Variants in HSF4 observed in about 807,000 individuals in gnomAD.
The protein encoded by HSF4 is heat shock factor protein 4.
A neutral mutation model predicts 52.0 loss-of-function variants in HSF4; 41 were observed. That is an observed-to-expected ratio of 0.79 (90% CI 0.61 to 1.02). HSF4 has a LOEUF of 1.02. HSF4 is among the 50% of genes least tolerant of loss of function. The pLI is 0.00. For synonymous variants in HSF4, 285 were observed against 273.0 expected (o/e 1.04, Z -0.43); for missense variants, 610 against 651.1 (o/e 0.94, Z 0.69).
Position 67,167,239 on chromosome 16 carries a change from C to T in HSF4, c.729+17C>T, listed in dbSNP as rs530275414. The T allele has an allele frequency of 1.2e-6, 2 of 1,614,072 alleles. No individual in the cohort carries two copies. The highest frequency in any genetic ancestry group is 1.7e-6 in the Non-Finnish European group (2 of 1,179,998). ...ATCCAGTCGGTAGGTTTGTCTTCTT[C>T]CCCCTTCCCAAGGGCATGGCTGGGC... On this transcript the variant is annotated intron_variant, in intron 7 of 12. Coordinates refer to ENST00000521374, the MANE Select transcript of HSF4 (RefSeq NM_001374675.1).
At position 67,165,396 on chromosome 16, in the gene HSF4, G is replaced by A. The variant is rs2031179743; in HGVS notation, c.124-126G>A. The stretch of plus-strand genomic sequence containing the variant: ...GGCCTCGACCCATATCCCCGTAAGC[G>A]GCAGGCCTGGACCCAAGAGTGAGCA... On this transcript the variant is annotated intron_variant, in intron 1 of 12. Coordinates refer to ENST00000521374, the MANE Select transcript of HSF4 (RefSeq NM_001374675.1). The surrounding 1 kb of genome is among the most constrained non-coding windows in gnomAD (Gnocchi z 6.9). 2 of 884,568 alleles carry A rather than the reference G, an allele frequency of 2.3e-6. No individual in the cohort carries two copies. Among genetic ancestry groups the A allele is most frequent in the Admixed American group, 2.0e-5 (1 of 49,668 alleles). The allele number at this position is 884,568 out of a possible 1,614,324, so 54.8% of individuals were successfully genotyped here.
chr16:67,165,691 ACCCACGCC>A lies in HSF4; in HGVS notation c.233-17_233-10del, dbSNP rs1388606485. 6.2e-7 allele frequency: 1 copy of A among 1,611,128 alleles called. No homozygotes were observed. The highest frequency in any genetic ancestry group is 8.5e-7 in the Non-Finnish European group (1 of 1,179,600). ...GGGACTCGGTGCCGGGGATGGGGCG[ACCCACGCC>A]CCCACGCCCCACTCCCCAGACGGTT... On this transcript the variant is annotated intron_variant, in intron 2 of 12. Coordinates refer to ENST00000521374, the MANE Select transcript of HSF4 (RefSeq NM_001374675.1). This position sits in a 1 kb window ranked among gnomAD's most constrained non-coding sequence, Gnocchi z 6.9.
rs1284481170 is a variant in HSF4 at position 67,168,694 on chromosome 16, TG to T, written c.1083-132del. 4 of 701,040 alleles carry T rather than the reference TG, an allele frequency of 5.7e-6. No individual in the cohort carries two copies. The African/African-American group carries it at 7.0e-5, about 12-fold the overall frequency. 43.4% of individuals were successfully genotyped at this position (701,040 alleles called of 1,614,324 possible). On this transcript the variant is annotated intron_variant, in intron 9 of 12. Transcript: ENST00000521374. ...CCATTTATGGCAGGAGTGGGGAGGT[TG>T]GGGGTGGAGAGAGGATGGGGATCCT... is the stretch of plus-strand genomic sequence containing the variant.
chr16:67,169,851 G>A lies in HSF4; in HGVS notation c.*66G>A. On this transcript the variant is annotated 3_prime_UTR_variant, in exon 13 of 13. Transcript: ENST00000521374. This position sits in a 1 kb window ranked among gnomAD's most constrained non-coding sequence, Gnocchi z 4.3. Reference sequence around the variant, plus strand: ...TGCACATCCTTCTTGGCTTCCTGGCGCCCCCTATCGGGGGTGAGCGAAGCC... The same window carrying A: ...TGCACATCCTTCTTGGCTTCCTGGCACCCCCTATCGGGGGTGAGCGAAGCC... 6.3e-7 allele frequency: 1 copy of A among 1,586,144 alleles called. No homozygotes were observed. Among genetic ancestry groups the A allele is most frequent in the Non-Finnish European group, 8.6e-7 (1 of 1,157,142 alleles).
rs1480134119 is a variant in HSF4 at position 67,165,320 on chromosome 16, A to G, written c.124-202A>G. The G allele has an allele frequency of 3.3e-6, 2 of 613,230 alleles. No individual in the cohort carries two copies. Among genetic ancestry groups the G allele is most frequent in the Non-Finnish European group, 5.8e-6 (2 of 346,144 alleles). The allele number at this position is 613,230 out of a possible 1,614,324, so 38.0% of individuals were successfully genotyped here. ...ATGGAGTCAGGGTCTGGCTGGGGGTAGGGACTCACTGTGGTCGCTCCAGGC... is the reference window on the plus strand; with the variant it reads ...ATGGAGTCAGGGTCTGGCTGGGGGTGGGGACTCACTGTGGTCGCTCCAGGC... On this transcript the variant is annotated intron_variant, in intron 1 of 12. Transcript: ENST00000521374. The surrounding 1 kb of genome is among the most constrained non-coding windows in gnomAD (Gnocchi z 6.9).
At chr16:67,168,481 AAAG>A (rs1328562145) in intron 9 of HSF4, among the ~76,000 whole-genome samples, 1 of 152,080 alleles carries the variant, frequency 6.6e-6, no homozygotes, top group East Asian at 1.9e-4. Context: ...AAAAAAAAGA[AAAG>A]AAAGAAAGAA....
chr16:67,164,907 C>T lies in HSF4; in HGVS notation c.96C>T (p.Gly32=). The change falls in exon 1 of 13, where the codon GGC becomes GGT. Residue 32 remains glycine, a synonymous_variant. Transcript: ENST00000521374. ...TATGGGCGCTGGTGGGGGACCCAGG[C>T]ACAGACCACCTGATCCGCTGGAGCC... ...GKLWALVGDP[G]TDHLIRWSPS... The T allele has an allele frequency of 6.2e-7, 1 of 1,608,146 alleles. No individual in the cohort carries two copies. Among genetic ancestry groups the T allele is most frequent in the East Asian group, 2.2e-5 (1 of 44,752 alleles).
At chr16:67,167,314 G>A (rs776833560) in intron 7 of HSF4, 92 bp downstream of exon 7, 1 of 1,609,080 alleles carries the variant, frequency 6.2e-7, no homozygotes, top group African/African-American at 1.3e-5. Context: ...AAGAGAAGAT[G>A]GAAGCCAGCC....
In HSF4 at chr16:67,169,742, G is replaced by A. The variant is rs770815350; in HGVS notation, c.1436G>A (p.Arg479Gln). ...ALTIYSTPES[R>Q]TASYLGPEAS... ...ACCATTTATAGCACTCCTGAGAGCC[G>A]GACTGCCTCCTACTTGGGCCCGGAA... Residue 479 changes from arginine (R) to glutamine (Q), a missense_variant, in exon 13 of 13, where the codon CGG becomes CAG. Coordinates refer to ENST00000521374, the MANE Select transcript of HSF4 (RefSeq NM_001374675.1). The surrounding 1 kb of genome is among the most constrained non-coding windows in gnomAD (Gnocchi z 4.3). 3.1e-6 allele frequency: 5 copies of A among 1,612,872 alleles called. No homozygotes were observed. The highest frequency in any genetic ancestry group is 2.2e-5 in the South Asian group (2 of 91,084).
chr16:67,165,957 GCGCGGCGACGACGGC>G lies in HSF4; in HGVS notation c.376_390del (p.Gly126_Arg130del), dbSNP rs1000812796. On this transcript the variant is annotated inframe_deletion, in exon 4 of 13. Transcript: ENST00000521374. This position sits in a 1 kb window ranked among gnomAD's most constrained non-coding sequence, Gnocchi z 6.9. ...CCTCCCGCCTGCAGGTGCCCGCGCT[GCGCGGCGACGACGGC>G]CGCTGGCGCCCGGAGGACCTGGGTC... 1.3e-6 allele frequency: 2 copies of G among 1,568,924 alleles called. No homozygotes were observed. The highest frequency in any genetic ancestry group is 1.7e-6 in the Non-Finnish European group (2 of 1,166,238).
At chr16:67,167,325 T>C (rs1417972966) in intron 7 of HSF4, 103 bp downstream of exon 7, 1 of 1,609,074 alleles carries the variant, frequency 6.2e-7, no homozygotes, top group African/African-American at 1.3e-5. Flanking sequence ...GAAGCCAGCC[T>C]TCCCCCCAAC....
Position 67,169,935 on chromosome 16 carries a change from T to C in HSF4, c.*150T>C, listed in dbSNP as rs911088894. On this transcript the variant is annotated 3_prime_UTR_variant, in exon 13 of 13. Transcript: ENST00000521374. The surrounding 1 kb of genome is among the most constrained non-coding windows in gnomAD (Gnocchi z 4.3). ...ACTATCCCTGCACATAAACTCCGTT[T>C]TTTTTTTTTCTGTTTCTGGTCTCTT... 2 of 765,222 alleles carry C rather than the reference T, an allele frequency of 2.6e-6. No homozygotes were observed. The allele number at this position is 765,222 out of a possible 1,614,324, so 47.4% of individuals were successfully genotyped here. A position where few individuals can be genotyped will look rare whatever the true frequency, so the allele number is the denominator to read the frequency against.
In HSF4 at chr16:67,166,580, C is replaced by T. The variant is rs2031317026; in HGVS notation, c.584C>T (p.Pro195Leu). The change falls in exon 6 of 13, where the codon CCA becomes CTA. Residue 195 changes from proline (P) to leucine (L), a missense_variant. Physicochemically the swap from Pro to Leu is moderately conservative, Grantham distance 98. Coordinates refer to ENST00000521374, the MANE Select transcript of HSF4 (RefSeq NM_001374675.1). The part of the protein sequence containing the change: ...IGKLIQCLFG[P>L]LQAGPSNAGG... ...CAGCTGATCCAGTGTCTCTTTGGGC[C>T]ACTTCAGGCGGGGCCGAGCAATGCA... The T allele has an allele frequency of 2.5e-6, 4 of 1,613,944 alleles. No homozygotes were observed. The highest frequency in any genetic ancestry group is 1.3e-5 in the African/African-American group (1 of 74,996).
At chr16:67,167,649 A>C in intron 8 of HSF4, 50 bp downstream of exon 8, 1 of 1,612,220 alleles carries the variant, frequency 6.2e-7, no homozygotes, top group South Asian at 1.1e-5. Context: ...AGGGCCTGGC[A>C]GCCCAGATGG....
chr16:67,167,324 CT>C (rs781044390), intron 7 of HSF4, 102 bp downstream of exon 7: 3 of 1,609,118 alleles, frequency 1.9e-6, no homozygotes, highest in African/African-American at 1.3e-5. Flanking sequence ...GGAAGCCAGC[CT>C]TCCCCCCAAC....
chr16:67,166,401 C>T lies in HSF4; in HGVS notation c.561+6C>T. On this transcript the variant is annotated splice_donor_region_variant and intron_variant, in intron 5 of 12. Coordinates refer to ENST00000521374, the MANE Select transcript of HSF4 (RefSeq NM_001374675.1). ...AGCACCGGGTCATTGGCAAGGTGTT[C>T]CTCTCCCCAAGCCTCGCTTCTCCCT... 6.2e-7 allele frequency: 1 copy of T among 1,607,988 alleles called. No homozygotes were observed. Among genetic ancestry groups the T allele is most frequent in the Non-Finnish European group, 8.5e-7 (1 of 1,176,950 alleles).
At position 67,167,129 on chromosome 16, in the gene HSF4, G is replaced by A; in HGVS notation, c.636G>A (p.Met212Ile). Residue 212 changes from methionine (M) to isoleucine (I), a missense_variant, in exon 7 of 13, where the codon ATG (methionine) becomes ATA (isoleucine). Physicochemically the swap from Met to Ile is conservative, Grantham distance 10. Coordinates refer to ENST00000521374, the MANE Select transcript of HSF4 (RefSeq NM_001374675.1). ...CTGATCGACCACACAGGTCCCTGAT[G>A]CTGGATGAGGGGAGCTCATGCCCAA... ...NAGGKRKLSL[M>I]LDEGSSCPTP... The A allele has an allele frequency of 6.2e-7, 1 of 1,614,186 alleles. No individual in the cohort carries two copies. The highest frequency in any genetic ancestry group is 8.5e-7 in the Non-Finnish European group (1 of 1,180,016).
At chr16:67,167,994 C>T (rs2145924696) in intron 9 of HSF4, 47 bp downstream of exon 9, 2 of 1,415,146 alleles carry the variant, frequency 1.4e-6, no homozygotes, top group East Asian at 2.4e-5. Flanking sequence ...TAGAACAGCC[C>T]TTACCAGCCC....
chr16:67,164,713 C>A, upstream of HSF4: 1 of 1,378,216 alleles, frequency 7.3e-7, no homozygotes, highest in Non-Finnish European at 9.5e-7. Flanking sequence ...CGCCCCGGGG[C>A]GGAGTAGGGC....
Sources: allele counts gnomAD v4.1 joint callset (sites outside exome capture counted in the v4.1 genomes callset), GRCh38; gene constraint gnomAD v4.1.1; non-coding constraint Gnocchi (gnomAD v3.1); transcripts MANE v1.5; gene names NCBI Gene and HGNC (gene_info 2026-07-23, HGNC 2026-07-21).